Variants in HNRNPLL observed in about 807,000 individuals in gnomAD.
HNRNPLL encodes the protein heterogeneous nuclear ribonucleoprotein L like, also known as heterogeneous nuclear ribonucleoprotein L-like.
Under a neutral mutation model 67.1 loss-of-function variants are expected in HNRNPLL, and 25 were observed. The observed-to-expected ratio is 0.37, with a 90% CI of 0.27 to 0.52. The LOEUF is 0.52. Among genes scored for constraint, HNRNPLL ranks in the 20% least tolerant of loss-of-function variants. The pLI is 0.90. For synonymous variants in HNRNPLL, 267 were observed against 241.7 expected (o/e 1.10, Z -0.97); for missense variants, 542 against 673.9 (o/e 0.80, Z 2.17).
intron 1 of HNRNPLL, among the ~76,000 whole-genome samples, chr2:38,601,189 A>G (rs1534750): frequency 0.017 from 2,560 of 152,358 alleles, 66 homozygotes; most frequent in African/African-American, 0.059. Context: ...CTAAAGTAAT[A>G]GCTAACACCG....
chr2:38,595,935 C>T (rs1430124165), intron 1 of HNRNPLL, among the ~76,000 whole-genome samples: 3 of 152,162 alleles, frequency 2.0e-5, no homozygotes, highest in Non-Finnish European at 4.4e-5. Flanking sequence ...AAACATACCC[C>T]TCACCCACCT....
chr2:38,569,140 A>G lies in HNRNPLL; in HGVS notation c.1409T>C (p.Phe470Ser). ...NVPLCVTEET[F>S]TKLCNDHEVL... ...TTGTATTTCAGTGCCTACCTTTGTG[A>G]AGGTCTCTTCTGTGACACACAATGG... is the stretch of plus-strand genomic sequence containing the variant. The change falls in exon 10 of 13, where the codon TTC (phenylalanine) becomes TCC (serine). Residue 470 changes from phenylalanine to serine, a missense_variant. Transcript: ENST00000449105. 1.3e-6 allele frequency: 2 copies of G among 1,599,900 alleles called. No individual in the cohort carries two copies. The highest frequency in any genetic ancestry group is 1.7e-6 in the Non-Finnish European group (2 of 1,167,150).
At chr2:38,576,655 T>G (rs976194134) in intron 7 of HNRNPLL, among the ~76,000 whole-genome samples, 1 of 151,802 alleles carries the variant, frequency 6.6e-6, no homozygotes, top group Non-Finnish European at 1.5e-5. Context: ...TGTAGGCAAT[T>G]TGAACCATTT....
rs1272733393 is a variant in HNRNPLL at position 38,562,563 on chromosome 2, G to A, written c.*1619C>T. On this transcript the variant is annotated 3_prime_UTR_variant, in exon 13 of 13. Coordinates refer to ENST00000449105, the MANE Select transcript of HNRNPLL (RefSeq NM_138394.4). ...AAAGAGGTAGAAAAGTATTTATAGG[G>A]GAAAAAAAGCTTTATTGTAAAGTTA... 4 of 151,884 alleles carry A rather than the reference G, an allele frequency of 2.6e-5. No homozygotes were observed. Among genetic ancestry groups the A allele is most frequent in the Non-Finnish European group, 5.9e-5 (4 of 67,916 alleles). 9.4% of individuals were successfully genotyped at this position (151,884 alleles called of 1,614,324 possible).
Position 38,583,899 on chromosome 2 carries a change from C to T in HNRNPLL, c.574G>A (p.Val192Ile). Residue 192 changes from valine to isoleucine, a missense_variant, in exon 4 of 13, where the codon GTT (valine) becomes ATT (isoleucine). Around this residue, in one of 2 missense-constraint regions of HNRNPLL, gnomAD observed 415 missense variants for 575.2 expected, o/e 0.72. Coordinates refer to ENST00000449105, the MANE Select transcript of HNRNPLL (RefSeq NM_138394.4). ...ATAACAATACGTTGCACTTTGCCAA[C>T]AGGGTTGCATACAGTATATAAAACA... is the stretch of plus-strand genomic sequence containing the variant. ...VDVLYTVCNP[V>I]GKVQRIVIFK... 1 of 1,564,204 alleles carries T rather than the reference C, an allele frequency of 6.4e-7. No individual in the cohort carries two copies. Among genetic ancestry groups the T allele is most frequent in the Non-Finnish European group, 8.8e-7 (1 of 1,140,432 alleles).
intron 1 of HNRNPLL, among the ~76,000 whole-genome samples, chr2:38,601,288 G>A (rs963205055): frequency 6.6e-6 from 1 of 152,172 alleles, no homozygotes; most frequent in African/African-American, 2.4e-5. Context: ...AACGCTGGGT[G>A]ACTGACCAGC....
At chr2:38,592,943 C>T (rs1667021688) in intron 1 of HNRNPLL, among the ~76,000 whole-genome samples, 1 of 152,086 alleles carries the variant, frequency 6.6e-6, no homozygotes, top group Admixed American at 6.5e-5. Context: ...ACCAATTTTT[C>T]TTTATTATAA....
intron 7 of HNRNPLL, among the ~76,000 whole-genome samples, chr2:38,575,579 T>C (rs1666268352): frequency 6.6e-6 from 1 of 151,878 alleles, no homozygotes; most frequent in South Asian, 2.1e-4. Flanking sequence ...AGAATTGTGA[T>C]GATTCACATA....
chr2:38,582,472 G>A lies in HNRNPLL; in HGVS notation c.633-304C>T, dbSNP rs570725892. Among the ~76,000 whole-genome samples, 21 of 150,940 alleles carry A rather than the reference G, an allele frequency of 1.4e-4. No individual in the cohort carries two copies. The East Asian group carries it at 3.7e-3, about 26-fold the overall frequency. ...ACTACAGGTGTGTGCCACCGCACCC[G>A]GCTAATTTTTAATTTTTTTAGTAGA... On this transcript the variant is annotated intron_variant, in intron 4 of 12. Coordinates refer to ENST00000449105, the MANE Select transcript of HNRNPLL (RefSeq NM_138394.4).
rs150226653 is a variant in HNRNPLL, at chr2:38,592,076, G to A, written c.190-428C>T. 5.3e-5 allele frequency among the ~76,000 whole-genome samples: 8 copies of A among 152,054 alleles called. No homozygotes were observed. The East Asian group carries it at 1.4e-3, about 26-fold the overall frequency. On this transcript the variant is annotated intron_variant, in intron 1 of 12. Coordinates refer to ENST00000449105, the MANE Select transcript of HNRNPLL (RefSeq NM_138394.4). ...ATTTTTTTTAATCCCAAACCAAATCGCAATTCACAAGTTAGCAAAAGGATA... is the reference window on the plus strand; with the variant it reads ...ATTTTTTTTAATCCCAAACCAAATCACAATTCACAAGTTAGCAAAAGGATA...
intron 1 of HNRNPLL, among the ~76,000 whole-genome samples, chr2:38,594,023 A>G (rs1028194559): frequency 1.3e-5 from 2 of 151,572 alleles, no homozygotes; most frequent in Non-Finnish European, 2.9e-5. Context: ...AAATACAAAA[A>G]AATTAGCCGG....
Position 38,562,786 on chromosome 2 carries a change from A to C in HNRNPLL, c.*1396T>G, listed in dbSNP as rs1426955487. Reference sequence around the variant, plus strand: ...CACTGCCATCAAAATGAGGGGAAATAAATGTTAATGTGTGTTTAGTTTCCA... The same window carrying C: ...CACTGCCATCAAAATGAGGGGAAATCAATGTTAATGTGTGTTTAGTTTCCA... On this transcript the variant is annotated 3_prime_UTR_variant, in exon 13 of 13. Coordinates refer to ENST00000449105, the MANE Select transcript of HNRNPLL (RefSeq NM_138394.4). The C allele has an allele frequency of 6.6e-6, 1 of 152,098 alleles. No individual in the cohort carries two copies. The highest frequency in any genetic ancestry group is 6.6e-5 in the Admixed American group (1 of 15,266). The allele number at this position is 152,098 out of a possible 1,614,324, so 9.4% of individuals were successfully genotyped here.
At position 38,562,149 on chromosome 2, in the gene HNRNPLL, G is replaced by A. The variant is rs1267119571; in HGVS notation, c.*2033C>T. ...TAGCACAGAGAAGAATGTTGCCAAG[G>A]CTAAGGAAAGAGAGAGTATTCACAA... On this transcript the variant is annotated 3_prime_UTR_variant, in exon 13 of 13. Coordinates refer to ENST00000449105, the MANE Select transcript of HNRNPLL (RefSeq NM_138394.4). 1 of 152,132 alleles carries A rather than the reference G, an allele frequency of 6.6e-6. No individual in the cohort carries two copies. Among genetic ancestry groups the A allele is most frequent in the Admixed American group, 6.5e-5 (1 of 15,274 alleles). 9.4% of individuals were successfully genotyped at this position (152,132 alleles called of 1,614,324 possible). A position where few individuals can be genotyped will look rare whatever the true frequency, so the allele number is the denominator to read the frequency against.
chr2:38,579,068 T>C lies in HNRNPLL; in HGVS notation c.803-1536A>G, dbSNP rs566261630. Among the ~76,000 whole-genome samples, 205 of 152,232 alleles carry C rather than the reference T, an allele frequency of 1.3e-3. 1 individual carries two copies. The highest frequency in any genetic ancestry group is 4.7e-3 in the African/African-American group (195 of 41,552). On this transcript the variant is annotated intron_variant, in intron 6 of 12. Transcript: ENST00000449105. ...ATCAAACACTAAATACAAATCCTTA[T>C]CTGACCTAGGAATCTTAAAACCACA...
intron 6 of HNRNPLL, among the ~76,000 whole-genome samples, chr2:38,578,553 T>C (rs1666394151): frequency 6.6e-6 from 1 of 152,070 alleles, no homozygotes; most frequent in African/African-American, 2.4e-5. Context: ...AGAAATACTT[T>C]AATTTTCACT....
intron 12 of HNRNPLL, among the ~76,000 whole-genome samples, chr2:38,565,477 C>T (rs1312329531): frequency 6.6e-6 from 1 of 151,740 alleles, no homozygotes; most frequent in Non-Finnish European, 1.5e-5. Flanking sequence ...AGGCTGAGGC[C>T]AGAGGACTGC....
At chr2:38,596,968 C>T (rs1341276983) in intron 1 of HNRNPLL, among the ~76,000 whole-genome samples, 1 of 152,196 alleles carries the variant, frequency 6.6e-6, no homozygotes, top group Non-Finnish European at 1.5e-5. Context: ...TACTTACAGA[C>T]ATTTCAAATT....
At chr2:38,573,502 C>G in intron 7 of HNRNPLL, 75 bp from the exon 8 acceptor site, 2 of 903,510 alleles carry the variant, frequency 2.2e-6, no homozygotes. Context: ...AGTAGATATA[C>G]TGCACCACAC....
At chr2:38,569,598 T>C (rs1665992481) in intron 9 of HNRNPLL, among the ~76,000 whole-genome samples, 1 of 152,136 alleles carries the variant, frequency 6.6e-6, no homozygotes, top group South Asian at 2.1e-4. Context: ...CGTTTTATCA[T>C]CATAAAACTA....
Sources: allele counts gnomAD v4.1 joint callset (sites outside exome capture counted in the v4.1 genomes callset), GRCh38; gene constraint gnomAD v4.1.1; regional missense constraint gnomAD v4.1.1; transcripts MANE v1.5; gene names NCBI Gene and HGNC (gene_info 2026-07-23, HGNC 2026-07-21).